Variants in SLC5A3 observed in about 807,000 individuals in gnomAD.
SLC5A3 encodes the protein solute carrier family 5 member 3.
Under a neutral mutation model 43.2 loss-of-function variants are expected in SLC5A3, and 10 were observed. The ratio of observed to expected loss-of-function variants is 0.23; its 90% CI spans 0.14 to 0.39. SLC5A3 has a LOEUF of 0.39. Among genes scored for constraint, SLC5A3 ranks in the 10% least tolerant of loss-of-function variants. SLC5A3 has a pLI of 1.00. For synonymous variants in SLC5A3, 349 were observed against 322.0 expected, an observed-to-expected ratio of 1.08 and a Z score of -0.90; for missense variants, 608 against 893.4, an observed-to-expected ratio of 0.68 and a Z score of 4.07.
In SLC5A3 at chr21:34,096,493, T is replaced by C. The variant is rs1180343435; in HGVS notation, c.1295T>C (p.Met432Thr). Residue 432 changes from methionine (M) to threonine (T), a missense_variant, in exon 2 of 2, where the codon ATG becomes ACG. Coordinates refer to ENST00000381151, the MANE Select transcript of SLC5A3 (RefSeq NM_006933.7). This position sits in a 1 kb window ranked among gnomAD's most constrained non-coding sequence, Gnocchi z 5.9. ...GCATGGGTGCCAATCATCGTGGAGA[T>C]GCAAGGAGGCCAGATGTACCTTTAC... ...SIAWVPIIVE[M>T]QGGQMYLYIQ... is the part of the protein sequence containing the mutation. 6.2e-7 allele frequency: 1 copy of C among 1,614,066 alleles called. No individual in the cohort carries two copies. The highest frequency in any genetic ancestry group is 8.5e-7 in the Non-Finnish European group (1 of 1,180,038).
chr21:34,103,235 C>T lies in SLC5A3; in HGVS notation c.*5880C>T. 4 of 999,130 alleles carry T rather than the reference C, an allele frequency of 4.0e-6. No homozygotes were observed. The highest frequency in any genetic ancestry group is 4.8e-6 in the Non-Finnish European group (4 of 829,746). The allele number at this position is 999,130 out of a possible 1,614,324, so 61.9% of individuals were successfully genotyped here. On this transcript the variant is annotated 3_prime_UTR_variant, in exon 2 of 2. Coordinates refer to ENST00000381151, the MANE Select transcript of SLC5A3 (RefSeq NM_006933.7). ...CTTCTGGTTACCAGTATTGACTCTGCTAGTTTGCACCTTTCCGTTCTTAAC... is the reference window on the plus strand; with the variant it reads ...CTTCTGGTTACCAGTATTGACTCTGTTAGTTTGCACCTTTCCGTTCTTAAC...
chr21:34,100,136 T>C lies in SLC5A3; in HGVS notation c.*2781T>C. The C allele has an allele frequency of 1.0e-6, 1 of 998,868 alleles. No individual in the cohort carries two copies. Among genetic ancestry groups the C allele is most frequent in the Non-Finnish European group, 1.2e-6 (1 of 828,684 alleles). The allele number at this position is 998,868 out of a possible 1,614,324, so 61.9% of individuals were successfully genotyped here. ...AATTGAAGCTTGATATTGACTAGAA[T>C]AGCTAAAAGTCAAAATGAGGTGAGG... On this transcript the variant is annotated 3_prime_UTR_variant, in exon 2 of 2. Coordinates refer to ENST00000381151, the MANE Select transcript of SLC5A3 (RefSeq NM_006933.7).
Position 34,103,028 on chromosome 21 carries a change from T to G in SLC5A3, c.*5673T>G. 1.0e-6 allele frequency: 1 copy of G among 1,000,000 alleles called. No individual in the cohort carries two copies. Among genetic ancestry groups the G allele is most frequent in the Non-Finnish European group, 1.2e-6 (1 of 829,796 alleles). The allele number at this position is 1,000,000 out of a possible 1,614,324, so 61.9% of individuals were successfully genotyped here. A position where few individuals can be genotyped will look rare whatever the true frequency, so the allele number is the denominator to read the frequency against. On this transcript the variant is annotated 3_prime_UTR_variant, in exon 2 of 2. Coordinates refer to ENST00000381151, the MANE Select transcript of SLC5A3 (RefSeq NM_006933.7). ...GAGTAGTCTAGATAAGTTTTCAATT[T>G]ATCAACATAGCCTAGACTTCTGTAA...
At position 34,096,022 on chromosome 21, in the gene SLC5A3, A is replaced by G. The variant is rs763598028; in HGVS notation, c.824A>G (p.Tyr275Cys). 6.2e-7 allele frequency: 1 copy of G among 1,614,110 alleles called. No individual in the cohort carries two copies. The highest frequency in any genetic ancestry group is 8.5e-7 in the Non-Finnish European group (1 of 1,180,004). The change falls in exon 2 of 2, where the codon TAC (tyrosine) becomes TGC (cysteine). Residue 275 changes from tyrosine (Y) to cysteine (C), a missense_variant. By Grantham distance (194) the Tyr-to-Cys change is radical. Transcript: ENST00000381151. This position sits in a 1 kb window ranked among gnomAD's most constrained non-coding sequence, Gnocchi z 5.9. ...ILGQTPASVW[Y>C]WCADQVIVQR... ...GGGCAGACCCCAGCTTCAGTATGGT[A>G]CTGGTGTGCTGACCAAGTCATCGTG...
Position 34,095,452 on chromosome 21 carries a change from A to G in SLC5A3, c.254A>G (p.Asn85Ser). The part of the protein sequence containing the change: ...SGFAVGAWEF[N>S]ALLLLQLLGW... ...TTTGCAGTGGGCGCATGGGAATTCAATGCCTTACTGCTTTTACAACTTCTG... is the reference window on the plus strand; with the variant it reads ...TTTGCAGTGGGCGCATGGGAATTCAGTGCCTTACTGCTTTTACAACTTCTG... The change falls in exon 2 of 2, where the codon AAT becomes AGT. Residue 85 changes from asparagine (N) to serine (S), a missense_variant. By Grantham distance (46) the Asn-to-Ser change is conservative (BLOSUM62 1). Around this residue, in one of 2 missense-constraint regions of SLC5A3, gnomAD observed 398 missense variants for 668.6 expected, o/e 0.60. Transcript: ENST00000381151. 2 of 1,614,126 alleles carry G rather than the reference A, an allele frequency of 1.2e-6. No individual in the cohort carries two copies. The highest frequency in any genetic ancestry group is 1.7e-6 in the Non-Finnish European group (2 of 1,179,998).
chr21:34,103,756 A>G lies in SLC5A3; in HGVS notation c.*6401A>G. 2.0e-6 allele frequency: 2 copies of G among 1,000,046 alleles called. No homozygotes were observed. The highest frequency in any genetic ancestry group is 2.4e-6 in the Non-Finnish European group (2 of 829,854). The allele number at this position is 1,000,046 out of a possible 1,614,324, so 61.9% of individuals were successfully genotyped here. A position where few individuals can be genotyped will look rare whatever the true frequency, so the allele number is the denominator to read the frequency against. ...TCTAAACTGGTCCTAATGGTAAGGG[A>G]CCCAAAGGAATAATCTCAATAAGTT... On this transcript the variant is annotated 3_prime_UTR_variant, in exon 2 of 2. Transcript: ENST00000381151.
At position 34,096,383 on chromosome 21, in the gene SLC5A3, C is replaced by T; in HGVS notation, c.1185C>T (p.Tyr395=). ...GTACCATATTCACCCTCGATGTGTA[C>T]AAACTTATCCGCAAGAGCGCAAGCT... The part of the protein sequence containing the change: ...SASTIFTLDV[Y]KLIRKSASSR... Residue 395 remains tyrosine (Y), a synonymous_variant, in exon 2 of 2, where the codon TAC becomes TAT. Coordinates refer to ENST00000381151, the MANE Select transcript of SLC5A3 (RefSeq NM_006933.7). This position sits in a 1 kb window ranked among gnomAD's most constrained non-coding sequence, Gnocchi z 5.9. 6.2e-7 allele frequency: 1 copy of T among 1,614,142 alleles called. No individual in the cohort carries two copies. Among genetic ancestry groups the T allele is most frequent in the South Asian group, 1.1e-5 (1 of 91,084 alleles).
rs557966542 is a variant in SLC5A3, at chr21:34,096,385, A to G, written c.1187A>G (p.Lys396Arg). The part of the protein sequence containing the change: ...ASTIFTLDVY[K>R]LIRKSASSRE... Reference sequence around the variant, plus strand: ...ACCATATTCACCCTCGATGTGTACAAACTTATCCGCAAGAGCGCAAGCTCC... The same window carrying G: ...ACCATATTCACCCTCGATGTGTACAGACTTATCCGCAAGAGCGCAAGCTCC... The change falls in exon 2 of 2, where the codon AAA becomes AGA. Residue 396 changes from lysine to arginine, a missense_variant. Coordinates refer to ENST00000381151, the MANE Select transcript of SLC5A3 (RefSeq NM_006933.7). The surrounding 1 kb of genome is among the most constrained non-coding windows in gnomAD (Gnocchi z 5.9). 1.2e-5 allele frequency: 19 copies of G among 1,614,206 alleles called. No homozygotes were observed. The highest frequency in any genetic ancestry group is 1.5e-5 in the Non-Finnish European group (18 of 1,180,016).
In SLC5A3 at chr21:34,105,262, A is replaced by C; in HGVS notation, c.*7907A>C. The C allele has an allele frequency of 1.0e-6, 1 of 1,000,176 alleles. No individual in the cohort carries two copies. The allele number at this position is 1,000,176 out of a possible 1,614,324, so 62.0% of individuals were successfully genotyped here. ...ATCCCATTTTCTTTTGTCCAGACCC[A>C]TGTTGGCAATCATGTATGAACTGTG... is the stretch of plus-strand genomic sequence containing the variant. On this transcript the variant is annotated 3_prime_UTR_variant, in exon 2 of 2. Coordinates refer to ENST00000381151, the MANE Select transcript of SLC5A3 (RefSeq NM_006933.7).
At position 34,096,499 on chromosome 21, in the gene SLC5A3, G is replaced by C; in HGVS notation, c.1301G>C (p.Gly434Ala). ...AWVPIIVEMQ[G>A]GQMYLYIQEV... ...GTGCCAATCATCGTGGAGATGCAAG[G>C]AGGCCAGATGTACCTTTACATTCAG... Residue 434 changes from glycine to alanine, a missense_variant, in exon 2 of 2, where the codon GGA (glycine) becomes GCA (alanine). By Grantham distance (60) the Gly-to-Ala change is moderately conservative. Around this residue, in one of 2 missense-constraint regions of SLC5A3, gnomAD observed 398 missense variants for 668.6 expected, o/e 0.60. Transcript: ENST00000381151. The surrounding 1 kb of genome is among the most constrained non-coding windows in gnomAD (Gnocchi z 5.9). 1 of 1,614,190 alleles carries C rather than the reference G, an allele frequency of 6.2e-7. No individual in the cohort carries two copies. The highest frequency in any genetic ancestry group is 8.5e-7 in the Non-Finnish European group (1 of 1,180,026).
chr21:34,089,722 G>A (rs559082887), intron 1 of SLC5A3, among the ~76,000 whole-genome samples: 1 of 152,270 alleles, frequency 6.6e-6, no homozygotes, highest in South Asian at 2.1e-4. Context: ...GGGTTGGGAG[G>A]AGGGCCGCAG....
intron 1 of SLC5A3, among the ~76,000 whole-genome samples, chr21:34,085,793 G>A (rs567497654): frequency 4.6e-5 from 7 of 152,088 alleles, no homozygotes; most frequent in Admixed American, 1.3e-4. Context: ...TAGTAGAGAC[G>A]GGGTTTCACC....
Position 34,095,207 on chromosome 21 carries a change from T to A in SLC5A3, c.9T>A (p.Ala3=), listed in dbSNP as rs777708245. 1.3e-6 allele frequency: 2 copies of A among 1,598,532 alleles called. No individual in the cohort carries two copies. The highest frequency in any genetic ancestry group is 2.2e-5 in the East Asian group (1 of 44,716). Residue 3 remains alanine (A), a synonymous_variant, in exon 2 of 2, where the codon GCT becomes GCA. Coordinates refer to ENST00000381151, the MANE Select transcript of SLC5A3 (RefSeq NM_006933.7). MR[A]VLDTADIAIV... is the part of the protein sequence containing the mutation. ...ATTCACAAGTTACCAGAATGAGAGC[T>A]GTACTGGACACAGCAGACATTGCCA...
chr21:34,081,680 T>TG (rs1569412804), intron 1 of SLC5A3, among the ~76,000 whole-genome samples: 1 of 152,180 alleles, frequency 6.6e-6, no homozygotes, highest in Non-Finnish European at 1.5e-5. Context: ...GTAATTCATT[T>TG]GGGAGGGTAT....
At chr21:34,080,338 C>T (rs1444621809) in intron 1 of SLC5A3, among the ~76,000 whole-genome samples, 1 of 152,098 alleles carries the variant, frequency 6.6e-6, no homozygotes, top group Non-Finnish European at 1.5e-5. Context: ...AGTATGACTC[C>T]CAACTTATTT....
intron 1 of SLC5A3, among the ~76,000 whole-genome samples, chr21:34,078,396 A>G (rs907097494): frequency 1.6e-4 from 25 of 152,160 alleles, no homozygotes; most frequent in Admixed American, 9.2e-4. Flanking sequence ...GGTACAAGGA[A>G]TGGCTTGGGG....
chr21:34,100,593 G>T lies in SLC5A3; in HGVS notation c.*3238G>T, dbSNP rs1459094394. 2.0e-6 allele frequency: 2 copies of T among 1,000,098 alleles called. No homozygotes were observed. The highest frequency in any genetic ancestry group is 2.4e-6 in the Non-Finnish European group (2 of 829,982). 62.0% of individuals were successfully genotyped at this position (1,000,098 alleles called of 1,614,324 possible). On this transcript the variant is annotated 3_prime_UTR_variant, in exon 2 of 2. Coordinates refer to ENST00000381151, the MANE Select transcript of SLC5A3 (RefSeq NM_006933.7). ...GCCTGGCCAGGGTCATGTAGCCATA[G>T]CTCTTAGGGATGATACCTCAAGAAA...
chr21:34,092,235 T>C (rs146910447), intron 1 of SLC5A3, among the ~76,000 whole-genome samples: 25 of 152,364 alleles, frequency 1.6e-4, no homozygotes, highest in African/African-American at 6.0e-4. Flanking sequence ...GTGTAAAATA[T>C]AGCTGCATTG....
rs573752642 is a variant in SLC5A3, at chr21:34,102,600, C to A, written c.*5245C>A. 2 of 999,968 alleles carry A rather than the reference C, an allele frequency of 2.0e-6. No individual in the cohort carries two copies. The highest frequency in any genetic ancestry group is 2.4e-6 in the Non-Finnish European group (2 of 829,872). 61.9% of individuals were successfully genotyped at this position (999,968 alleles called of 1,614,324 possible). A position where few individuals can be genotyped will look rare whatever the true frequency, so the allele number is the denominator to read the frequency against. On this transcript the variant is annotated 3_prime_UTR_variant, in exon 2 of 2. Transcript: ENST00000381151. ...CATAGTCTGAGGCTATTGACTTAAA[C>A]CAATAACTGTACTTTATGTAATGAC...
Sources: allele counts gnomAD v4.1 joint callset (sites outside exome capture counted in the v4.1 genomes callset), GRCh38; gene constraint gnomAD v4.1.1; regional missense constraint gnomAD v4.1.1; non-coding constraint Gnocchi (gnomAD v3.1); transcripts MANE v1.5; gene names NCBI Gene and HGNC (gene_info 2026-07-23, HGNC 2026-07-21).